The following LYPD1 variants were observed in gnomAD, a reference collection of about 807,000 sequenced individuals.
LYPD1 encodes the protein LY6/PLAUR domain containing 1.
A neutral mutation model predicts 14.2 loss-of-function variants in LYPD1; 14 were observed. The observed-to-expected ratio is 0.99, with a 90% CI of 0.65 to 1.54. The LOEUF is 1.54. Ranked by LOEUF, LYPD1 falls within the 40% of genes most tolerant of loss-of-function variation. The probability of loss-of-function intolerance (pLI) is 0.00; values close to 1 mark genes in which losing one functional copy is unlikely to be tolerated. For synonymous variants in LYPD1, 85 were observed against 70.6 expected (o/e 1.20, Z -1.02); for missense variants, 165 against 175.7 (o/e 0.94, Z 0.34).
intron 2 of LYPD1, among the ~76,000 whole-genome samples, chr2:132,659,649 G>A (rs1682813212): frequency 6.6e-6 from 1 of 152,200 alleles, no homozygotes; most frequent in Admixed American, 6.5e-5. Flanking sequence ...GTGGAAAGTT[G>A]TCCTTCCTCT....
At chr2:132,654,527 A>G (rs191060074) in intron 2 of LYPD1, among the ~76,000 whole-genome samples, 1 of 152,280 alleles carries the variant, frequency 6.6e-6, no homozygotes, top group East Asian at 1.9e-4. Context: ...GGGTGAGTGC[A>G]TAGTCTGTGT....
At chr2:132,650,722 A>AAAC (rs1553463078) in intron 2 of LYPD1, among the ~76,000 whole-genome samples, 1 of 104,538 alleles carries the variant, frequency 9.6e-6, no homozygotes, top group African/African-American at 4.3e-5. Context: ...CTTTAAAAAA[A>AAAC]AAAAACAAAA....
Position 132,644,857 on chromosome 2 carries a change from T to TGTCTA in LYPD1, c.*1183_*1187dup, listed in dbSNP as rs1681966833. 1 of 508,702 alleles carries TGTCTA rather than the reference T, an allele frequency of 2.0e-6. No individual in the cohort carries two copies. The highest frequency in any genetic ancestry group is 3.4e-6 in the Non-Finnish European group (1 of 290,392). The allele number at this position is 508,702 out of a possible 1,614,324, so 31.5% of individuals were successfully genotyped here. Reference sequence around the variant, plus strand: ...CAGACATCAACTGGTATAAATACACTGTCTAAAGCATTTAATGGTCTTTCT... The same window carrying TGTCTA: ...CAGACATCAACTGGTATAAATACACTGTCTAGTCTAAAGCATTTAATGGTCTTTCT... On this transcript the variant is annotated 3_prime_UTR_variant, in exon 3 of 3. Coordinates refer to ENST00000397463, the MANE Select transcript of LYPD1 (RefSeq NM_144586.7).
chr2:132,658,282 C>G (rs1682721360), intron 2 of LYPD1, among the ~76,000 whole-genome samples: 1 of 152,188 alleles, frequency 6.6e-6, no homozygotes, highest in Non-Finnish European at 1.5e-5. Flanking sequence ...GTTACATAAA[C>G]AAGAAATGCC....
intron 2 of LYPD1, chr2:132,663,109 T>C (rs1232325534): frequency 6.6e-6 from 1 of 152,306 alleles, no homozygotes; most frequent in African/African-American, 2.4e-5. Flanking sequence ...GTTCTTTTAG[T>C]GTCTGGAAAG....
chr2:132,654,880 C>A (rs1466587318), intron 2 of LYPD1, among the ~76,000 whole-genome samples: 1 of 152,064 alleles, frequency 6.6e-6, no homozygotes, highest in African/African-American at 2.4e-5. Flanking sequence ...TCCCAAGTAG[C>A]TGGGACTACA....
At chr2:132,666,740 T>C (rs1230478792) in intron 2 of LYPD1, 1 of 152,202 alleles carries the variant, frequency 6.6e-6, no homozygotes, top group Non-Finnish European at 1.5e-5. Flanking sequence ...GTGGTATTCA[T>C]CTTAGATACA....
chr2:132,670,904 GC>G (rs1386478822), upstream of LYPD1, among the ~76,000 whole-genome samples: 1 of 152,110 alleles, frequency 6.6e-6, no homozygotes, highest in Non-Finnish European at 1.5e-5. The surrounding 1 kb of genome is among the most constrained non-coding windows in gnomAD (Gnocchi z 4.5). Flanking sequence ...CATTGACACC[GC>G]CCTGGTCGCC....
At chr2:132,655,663 T>C (rs1362916636) in intron 2 of LYPD1, among the ~76,000 whole-genome samples, 3 of 151,882 alleles carry the variant, frequency 2.0e-5, no homozygotes, top group Non-Finnish European at 4.4e-5. Context: ...TACAGGTGCC[T>C]GCCACCATGC....
At chr2:132,648,832 G>A (rs543659925) in intron 2 of LYPD1, among the ~76,000 whole-genome samples, 1 of 152,236 alleles carries the variant, frequency 6.6e-6, no homozygotes, top group African/African-American at 2.4e-5. Flanking sequence ...CCAAGAGGGA[G>A]GATGGGGAAA....
intron 2 of LYPD1, among the ~76,000 whole-genome samples, chr2:132,664,196 T>C (rs1683132654): frequency 6.6e-6 from 1 of 151,860 alleles, no homozygotes; most frequent in African/African-American, 2.4e-5. Flanking sequence ...GCCAAGCCCA[T>C]CCCAAGGCCA....
chr2:132,648,226 C>T (rs777991381), intron 2 of LYPD1, among the ~76,000 whole-genome samples: 5 of 152,220 alleles, frequency 3.3e-5, no homozygotes, highest in Non-Finnish European at 7.3e-5. Flanking sequence ...TTGCCACTTC[C>T]ACTACAGTGA....
intron 2 of LYPD1, among the ~76,000 whole-genome samples, chr2:132,650,458 C>T (rs1307641995): frequency 4.6e-5 from 7 of 152,112 alleles, no homozygotes; most frequent in Admixed American, 2.6e-4. Flanking sequence ...TCCACTTTTA[C>T]GCATGTACCC....
intron 2 of LYPD1, among the ~76,000 whole-genome samples, chr2:132,659,148 T>C (rs1175159103): frequency 6.6e-6 from 1 of 152,226 alleles, no homozygotes; most frequent in Non-Finnish European, 1.5e-5. Flanking sequence ...AAAGGTATAT[T>C]CAACTTGTCT....
chr2:132,654,748 T>G (rs1382632263), intron 2 of LYPD1, among the ~76,000 whole-genome samples: 1 of 151,534 alleles, frequency 6.6e-6, no homozygotes, highest in Admixed American at 6.6e-5. Context: ...CCCATTTATT[T>G]ATTTATTTAT....
chr2:132,670,006 G>A lies in LYPD1; in HGVS notation c.-74C>T. The A allele has an allele frequency of 6.3e-7, 1 of 1,584,590 alleles. No individual in the cohort carries two copies. Among genetic ancestry groups the A allele is most frequent in the South Asian group, 1.1e-5 (1 of 88,946 alleles). On this transcript the variant is annotated 5_prime_UTR_variant, in exon 1 of 3. Transcript: ENST00000397463. The surrounding 1 kb of genome is among the most constrained non-coding windows in gnomAD (Gnocchi z 4.5). ...GACAGCAGCGGAGGCTGCCCCGGCT[G>A]CAGCGGCTGTGGCTGCCGAGGCTGC... is the stretch of plus-strand genomic sequence containing the variant.
At chr2:132,647,407 T>C (rs77534970) in intron 2 of LYPD1, among the ~76,000 whole-genome samples, 2,878 of 152,358 alleles carry the variant, frequency 0.019, 91 homozygotes, top group African/African-American at 0.066. Context: ...GAGGGTTTAC[T>C]TTGAAGATAG....
In LYPD1 at chr2:132,669,728, C is replaced by T. The variant is rs1287086623; in HGVS notation, c.52+153G>A. On this transcript the variant is annotated intron_variant, in intron 1 of 2. Coordinates refer to ENST00000397463, the MANE Select transcript of LYPD1 (RefSeq NM_144586.7). This position sits in a 1 kb window ranked among gnomAD's most constrained non-coding sequence, Gnocchi z 4.3. The stretch of plus-strand genomic sequence containing the variant: ...CGGGACTTGGACACTTTCCCAGCCT[C>T]GCGCCCCGGGGCACCAGTCGCGGCC... 2.8e-6 allele frequency: 4 copies of T among 1,424,522 alleles called. No individual in the cohort carries two copies. The African/African-American group carries it at 4.5e-5, about 16-fold the overall frequency. 88.2% of individuals were successfully genotyped at this position (1,424,522 alleles called of 1,614,324 possible).
chr2:132,658,087 C>G (rs1217374675), intron 2 of LYPD1, among the ~76,000 whole-genome samples: 1 of 152,154 alleles, frequency 6.6e-6, no homozygotes, highest in Admixed American at 6.5e-5. Flanking sequence ...GACACAAGCT[C>G]TTTGGTGCCA....
Sources: allele counts gnomAD v4.1 joint callset (sites outside exome capture counted in the v4.1 genomes callset), GRCh38; gene constraint gnomAD v4.1.1; non-coding constraint Gnocchi (gnomAD v3.1); transcripts MANE v1.5; gene names NCBI Gene and HGNC (gene_info 2026-07-23, HGNC 2026-07-21).